SYNPR: variants seen among roughly 807,000 people sequenced by gnomAD.
SYNPR encodes the protein synaptoporin.
A neutral mutation model predicts 32.9 loss-of-function variants in SYNPR; 23 were observed. That is an observed-to-expected ratio of 0.70 (90% CI 0.50 to 0.99). The LOEUF is 0.99. SYNPR is among the 50% of genes least tolerant of loss of function. SYNPR has a pLI of 0.00. For missense variants in SYNPR, 318 were observed against 349.3 expected (o/e 0.91, Z 0.71); for synonymous variants, 146 against 135.9 (o/e 1.07, Z -0.52).
chr3:63,253,315 T>C (rs2086352309), intron 2 of SYNPR, among the ~76,000 whole-genome samples: 1 of 152,062 alleles, frequency 6.6e-6, no homozygotes, highest in African/African-American at 2.4e-5. Context: ...CTACAAAACA[T>C]GATTGTTCTC....
intron 4 of SYNPR, among the ~76,000 whole-genome samples, chr3:63,566,926 G>A (rs76459229): frequency 0.02 from 3,002 of 152,216 alleles, 116 homozygotes; most frequent in African/African-American, 0.068. Context: ...TCTGTAACTG[G>A]TGTTGATTAA....
intron 3 of SYNPR, chr3:63,550,158 CT>C (rs1228658862): frequency 1.3e-5 from 2 of 152,018 alleles, no homozygotes; most frequent in Admixed American, 6.6e-5. Context: ...TGACTATACA[CT>C]TTCCCCCCAA....
chr3:63,507,217 T>C (rs1221321546), intron 3 of SYNPR, among the ~76,000 whole-genome samples: 1 of 145,298 alleles, frequency 6.9e-6, no homozygotes, highest in African/African-American at 2.5e-5. Flanking sequence ...AAGCGGTGCA[T>C]AAAAAGTTTA....
intron 3 of SYNPR, among the ~76,000 whole-genome samples, chr3:63,483,240 C>G (rs1701081350): frequency 6.6e-6 from 1 of 152,166 alleles, no homozygotes; most frequent in African/African-American, 2.4e-5. Flanking sequence ...GAATGTCCAT[C>G]AGCAGGAAGC....
intron 2 of SYNPR, among the ~76,000 whole-genome samples, chr3:63,403,262 T>C (rs1432116274): frequency 1.3e-5 from 2 of 152,100 alleles, no homozygotes; most frequent in East Asian, 3.9e-4. Flanking sequence ...TTTGCCTAAA[T>C]GAATTGCCTA....
In SYNPR at chr3:63,475,058, C is replaced by G. The variant is rs1332769339; in HGVS notation, c.85-5774C>G. On this transcript the variant is annotated intron_variant, in intron 2 of 5. Transcript: ENST00000478300. ...GCTTGCCCTTTTCCCAGGGGAAAACCTTTGATGTCACTAACTGCAAAGATA... is the reference window on the plus strand; with the variant it reads ...GCTTGCCCTTTTCCCAGGGGAAAACGTTTGATGTCACTAACTGCAAAGATA... Among the ~76,000 whole-genome samples the G allele has an allele frequency of 5.9e-5, 9 of 152,092 alleles. No individual in the cohort carries two copies. The East Asian group carries it at 1.7e-3, about 29-fold the overall frequency.
intron 2 of SYNPR, among the ~76,000 whole-genome samples, chr3:63,447,414 T>C (rs1028205065): frequency 6.6e-6 from 1 of 152,198 alleles, no homozygotes; most frequent in African/African-American, 2.4e-5. Flanking sequence ...ATATTGATCA[T>C]TAAGCACTTA....
chr3:63,272,319 A>G (rs2086544009), intron 3 of SYNPR, among the ~76,000 whole-genome samples: 1 of 152,166 alleles, frequency 6.6e-6, no homozygotes, highest in South Asian at 2.1e-4. Context: ...AGGTCATACA[A>G]CTAGGAAATG....
intron 4 of SYNPR, among the ~76,000 whole-genome samples, chr3:63,602,536 A>C (rs114496390): frequency 0.038 from 5,733 of 152,246 alleles, 327 homozygotes; most frequent in African/African-American, 0.13. Context: ...GGTGTAAGAA[A>C]AGGGTCCAGT....
intron 2 of SYNPR, among the ~76,000 whole-genome samples, chr3:63,375,811 T>A (rs1478652320): frequency 6.6e-6 from 1 of 152,216 alleles, no homozygotes; most frequent in Non-Finnish European, 1.5e-5. Flanking sequence ...AATGTCTATC[T>A]CTGTCCTTTA....
Position 63,404,204 on chromosome 3 carries a change from T to C in SYNPR, c.85-76628T>C, listed in dbSNP as rs188415068. On this transcript the variant is annotated intron_variant, in intron 2 of 5. Coordinates refer to ENST00000478300, the MANE Select transcript of SYNPR (RefSeq NM_001130003.2). ...ATGTTAATTAGATGTCAACAATAAT[T>C]ATGGTGATTACGTTTTTTGAATAGC... Among the ~76,000 whole-genome samples the C allele has an allele frequency of 1.5e-4, 23 of 152,292 alleles. 2 individuals carry two copies. In the East Asian group the frequency reaches 4.4e-3, roughly 29 times the overall value.
rs568865517 is a variant in SYNPR at position 63,344,842 on chromosome 3, TG to T, written c.84+66102del. Among the ~76,000 whole-genome samples the T allele has an allele frequency of 1.6e-4, 24 of 152,040 alleles. No homozygotes were observed. In the East Asian group the frequency reaches 4.7e-3, roughly 29 times the overall value. On this transcript the variant is annotated intron_variant, in intron 2 of 5. Transcript: ENST00000478300. ...GCAGGGGGCTGGTGAATGGGGGGAA[TG>T]GTGATTGGTTGGGTTCAGCATGAAA...
intron 2 of SYNPR, among the ~76,000 whole-genome samples, chr3:63,344,963 T>A (rs1241944291): frequency 1.3e-5 from 2 of 152,120 alleles, no homozygotes; most frequent in Admixed American, 6.5e-5. Context: ...GTGTAATGGG[T>A]CTGGGTGGAG....
chr3:63,321,006 C>A (rs1302369497), intron 2 of SYNPR, among the ~76,000 whole-genome samples: 1 of 151,858 alleles, frequency 6.6e-6, no homozygotes, highest in Admixed American at 6.6e-5. Flanking sequence ...ATATGTATTC[C>A]AGAAAAATCA....
chr3:63,285,871 G>T (rs554383109), intron 2 of SYNPR, among the ~76,000 whole-genome samples: 36 of 152,124 alleles, frequency 2.4e-4, no homozygotes, highest in Admixed American at 3.9e-4. Flanking sequence ...ATTTATCCAA[G>T]TAAGGTACCT....
intron 2 of SYNPR, among the ~76,000 whole-genome samples, chr3:63,292,654 T>C (rs530466719): frequency 6.6e-6 from 1 of 152,216 alleles, no homozygotes; most frequent in Non-Finnish European, 1.5e-5. Flanking sequence ...TAGTGGCACA[T>C]AGGAAACATT....
At chr3:63,434,602 C>T (rs1448600985) in intron 2 of SYNPR, among the ~76,000 whole-genome samples, 2 of 152,178 alleles carry the variant, frequency 1.3e-5, no homozygotes, top group Non-Finnish European at 2.9e-5. Context: ...TATTACAGTA[C>T]TAACAAGATT....
At chr3:63,275,264 C>T (rs933095325), upstream of SYNPR, among the ~76,000 whole-genome samples, 8 of 152,154 alleles carry the variant, frequency 5.3e-5, no homozygotes, top group Admixed American at 2.0e-4. Flanking sequence ...AATGTTATTT[C>T]CAGGTCTGAA....
intron 2 of SYNPR, among the ~76,000 whole-genome samples, chr3:63,314,419 A>C (rs1364387373): frequency 1.3e-5 from 2 of 151,876 alleles, no homozygotes; most frequent in South Asian, 4.1e-4. Context: ...TTCTTGCATG[A>C]GTAAGGTGGT....
Sources: gnomAD v4.1 joint callset for allele counts (sites outside exome capture counted in the v4.1 genomes callset) on GRCh38, gnomAD v4.1.1 for gene constraint, MANE v1.5 for transcripts, NCBI Gene and HGNC (gene_info 2026-07-23, HGNC 2026-07-21) for gene names.